CNOT1: variants seen among roughly 807,000 people sequenced by gnomAD.
The protein encoded by CNOT1 is CCR4-NOT transcription complex subunit 1.
A neutral mutation model predicts 273.8 loss-of-function variants in CNOT1; 15 were observed. The observed-to-expected ratio is 0.05, with a 90% CI of 0.04 to 0.08. CNOT1 has a LOEUF of 0.08. Among genes scored for constraint, CNOT1 ranks in the 10% least tolerant of loss-of-function variants. The pLI is 1.00. For synonymous variants in CNOT1, 1,022 were observed against 1,005.5 expected (o/e 1.02, Z -0.31); for missense variants, 1,644 against 2,912.2 (o/e 0.56, Z 10.02).
intron 16 of CNOT1, among the ~76,000 whole-genome samples, chr16:58,572,039 T>C (rs1186148638): frequency 6.6e-6 from 1 of 151,944 alleles, no homozygotes. Context: ...ATCTCAGCAC[T>C]TTGGGACGCC....
intron 22 of CNOT1, 103 bp from the exon 23 acceptor site, chr16:58,551,922 T>C: frequency 6.8e-7 from 1 of 1,465,518 alleles, no homozygotes; most frequent in Non-Finnish European, 9.3e-7. Context: ...AGTGCTCTTT[T>C]GGTTCATCTA....
chr16:58,540,017 G>T, intron 34 of CNOT1, 58 bp from the exon 35 acceptor site: 2 of 1,533,340 alleles, frequency 1.3e-6, no homozygotes, highest in Admixed American at 2.0e-5. Context: ...GTTTTTTATT[G>T]ACACATGTAT....
intron 22 of CNOT1, 51 bp from the exon 23 acceptor site, chr16:58,551,870 A>G (rs754951753): frequency 1.2e-6 from 2 of 1,600,108 alleles, no homozygotes; most frequent in Non-Finnish European, 1.7e-6. Flanking sequence ...CTAAGTCTGG[A>G]TTATACGTCC....
intron 25 of CNOT1, chr16:58,548,522 C>A (rs773249859): frequency 3.9e-6 from 2 of 519,048 alleles, no homozygotes; most frequent in Admixed American, 3.9e-5. Context: ...CTCTATACAG[C>A]AACAGCAGAA....
rs148971125 is a variant in CNOT1, at chr16:58,599,282, T to C, written c.56A>G (p.Asn19Ser). The C allele has an allele frequency of 2.4e-5, 39 of 1,614,198 alleles. No homozygotes were observed. In the East Asian group the frequency reaches 7.6e-4, roughly 31 times the overall value. ...GGCTCGGTAATTTTTCTTGGTTAAATTGTCCACCAGGTAGCTGATTTGAGA... is the reference window on the plus strand; with the variant it reads ...GGCTCGGTAATTTTTCTTGGTTAAACTGTCCACCAGGTAGCTGATTTGAGA... ...ALSQISYLVD[N>S]LTKKNYRASQ... The change falls in exon 2 of 49, where the codon AAT (asparagine) becomes AGT (serine). Residue 19 changes from asparagine (N) to serine (S), a missense_variant. Physicochemically the swap from Asn to Ser is conservative, Grantham distance 46. Transcript: ENST00000317147.
At chr16:58,561,159 TG>T (rs2040827092) in intron 16 of CNOT1, among the ~76,000 whole-genome samples, 1 of 152,204 alleles carries the variant, frequency 6.6e-6, no homozygotes, top group South Asian at 2.1e-4. Context: ...CACTTCAGCC[TG>T]GGTAAGAGAT....
chr16:58,529,400 T>C (rs554969879), intron 43 of CNOT1, among the ~76,000 whole-genome samples: 2 of 152,216 alleles, frequency 1.3e-5, no homozygotes, highest in South Asian at 2.1e-4. Context: ...TTTGAATATA[T>C]AGTAACAACA....
intron 39 of CNOT1, among the ~76,000 whole-genome samples, 180 bp downstream of exon 39, chr16:58,536,809 C>G (rs1597414775): frequency 6.6e-6 from 1 of 152,080 alleles, no homozygotes; most frequent in Admixed American, 6.5e-5. Flanking sequence ...GCCTTTACTG[C>G]TTAGTGATCA....
intron 2 of CNOT1, among the ~76,000 whole-genome samples, chr16:58,595,062 C>T (rs200240550): frequency 1.3e-5 from 2 of 149,066 alleles, no homozygotes; most frequent in East Asian, 2.0e-4. Flanking sequence ...TACAGTGAGC[C>T]GAGATCACGC....
intron 16 of CNOT1, among the ~76,000 whole-genome samples, chr16:58,563,686 G>A (rs551636761): frequency 9.2e-5 from 14 of 152,234 alleles, no homozygotes; most frequent in East Asian, 1.9e-4. Context: ...TAGAGATACC[G>A]TATCTCCATG....
rs2039574751 is a variant in CNOT1 at position 58,526,204 on chromosome 16, T to G, written c.6454-66A>C. On this transcript the variant is annotated intron_variant, in intron 44 of 48. Coordinates refer to ENST00000317147, the MANE Select transcript of CNOT1 (RefSeq NM_016284.5). ...TTTATTAGTAAATTACATCTATGCT[T>G]AAGTGGTGGGACTGTTTTTCTAAAA... 4 of 1,565,450 alleles carry G rather than the reference T, an allele frequency of 2.6e-6. No individual in the cohort carries two copies. The South Asian group carries it at 3.4e-5, about 13-fold the overall frequency.
At chr16:58,592,584 A>C (rs77946398) in intron 2 of CNOT1, among the ~76,000 whole-genome samples, 2 of 152,142 alleles carry the variant, frequency 1.3e-5, no homozygotes, top group Non-Finnish European at 2.9e-5. Context: ...CCAAGACTCC[A>C]TCTCCCTAAA....
intron 16 of CNOT1, among the ~76,000 whole-genome samples, chr16:58,563,855 C>T (rs1420198346): frequency 6.6e-6 from 1 of 152,202 alleles, no homozygotes; most frequent in Non-Finnish European, 1.5e-5. Flanking sequence ...ACCTATTATT[C>T]TGACACATCC....
chr16:58,599,353 A>G lies in CNOT1; in HGVS notation c.-16T>C, dbSNP rs939498596. On this transcript the variant is annotated 5_prime_UTR_variant, in exon 2 of 49. Transcript: ENST00000317147. ...CAAGATTCATTGCTGGTTGGGGCGG[A>G]AGCAGGCGGCCGAGCCCGGCGCAAA... The G allele has an allele frequency of 6.2e-7, 1 of 1,614,020 alleles. No individual in the cohort carries two copies. Among genetic ancestry groups the G allele is most frequent in the Non-Finnish European group, 8.5e-7 (1 of 1,180,030 alleles).
intron 16 of CNOT1, among the ~76,000 whole-genome samples, chr16:58,561,713 G>C (rs1417654428): frequency 6.6e-6 from 1 of 152,134 alleles, no homozygotes; most frequent in Non-Finnish European, 1.5e-5. Context: ...GCATTTCGGA[G>C]TTTGAATTTT....
intron 46 of CNOT1, chr16:58,523,800 C>T: frequency 4.1e-6 from 1 of 242,222 alleles, no homozygotes; most frequent in Non-Finnish European, 8.1e-6. Flanking sequence ...CTACATTTTG[C>T]AGATCTCTAA....
chr16:58,557,401 C>G (rs1169682358), intron 18 of CNOT1, among the ~76,000 whole-genome samples: 1 of 152,134 alleles, frequency 6.6e-6, no homozygotes, highest in African/African-American at 2.4e-5. Flanking sequence ...CCTCTCAACT[C>G]CGACAAAAGG....
chr16:58,542,495 G>A lies in CNOT1; in HGVS notation c.4508C>T (p.Ala1503Val), dbSNP rs773893540. 1.9e-6 allele frequency: 3 copies of A among 1,575,928 alleles called. No individual in the cohort carries two copies. Among genetic ancestry groups the A allele is most frequent in the South Asian group, 2.2e-5 (2 of 90,522 alleles). The change falls in exon 32 of 49, where the codon GCT (alanine) becomes GTT (valine). Residue 1503 changes from alanine to valine, a missense_variant. By Grantham distance (64) the Ala-to-Val change is moderately conservative. Coordinates refer to ENST00000317147, the MANE Select transcript of CNOT1 (RefSeq NM_016284.5). ...TGCAGTCTTCTGAATAAAACAGCAA[G>A]CCAACTCACAATTGTCCTGAGCTAA... is the stretch of plus-strand genomic sequence containing the variant. ...AQLAQDNCEL[A>V]CCFIQKTAVE...
chr16:58,529,780 G>A (rs1291180974), intron 43 of CNOT1, among the ~76,000 whole-genome samples: 3 of 137,460 alleles, frequency 2.2e-5, no homozygotes, highest in African/African-American at 5.3e-5. Flanking sequence ...GGTGGAGGTT[G>A]CAGTAAGCTG....
Sources: allele counts gnomAD v4.1 joint callset (sites outside exome capture counted in the v4.1 genomes callset), GRCh38; gene constraint gnomAD v4.1.1; transcripts MANE v1.5; gene names NCBI Gene and HGNC (gene_info 2026-07-23, HGNC 2026-07-21).